Variants in SLC15A2 observed in about 807,000 individuals in gnomAD.
SLC15A2 encodes kidney H(+)/peptide cotransporter.
A neutral mutation model predicts 95.5 loss-of-function variants in SLC15A2; 77 were observed. That is an observed-to-expected ratio of 0.81 (90% confidence interval 0.67 to 0.97). SLC15A2 has a LOEUF of 0.97. Ranked by LOEUF, SLC15A2 falls within the 50% of genes least tolerant of loss-of-function variation. The probability of loss-of-function intolerance (pLI) is 0.00; values close to 1 mark genes in which losing one functional copy is unlikely to be tolerated. For missense variants in SLC15A2, 893 were observed against 874.4 expected (o/e 1.02, Z -0.27); for synonymous variants, 306 against 306.9 (o/e 1.00, Z 0.03).
intron 2 of SLC15A2, 88 bp downstream of exon 2, chr3:121,896,581 A>G: frequency 9.9e-7 from 1 of 1,014,050 alleles, no homozygotes; most frequent in Non-Finnish European, 1.6e-6. Flanking sequence ...ATATGCACTT[A>G]TTTCCCGAGT....
chr3:121,925,725 A>AGTGTATATAT (rs1559850279), intron 13 of SLC15A2, among the ~76,000 whole-genome samples: 1 of 56,318 alleles, frequency 1.8e-5, no homozygotes, highest in African/African-American at 6.9e-5. Flanking sequence ...AAGGGGCTAG[A>AGTGTATATAT]CTATATATAT....
At chr3:121,932,144 T>A (rs1390797129) in intron 19 of SLC15A2, among the ~76,000 whole-genome samples, 1 of 152,250 alleles carries the variant, frequency 6.6e-6, no homozygotes, top group East Asian at 1.9e-4. Context: ...CCTCAGATGA[T>A]CCACCAGCCT....
chr3:121,916,791 C>T (rs1203802649), intron 7 of SLC15A2, among the ~76,000 whole-genome samples: 1 of 152,072 alleles, frequency 6.6e-6, no homozygotes, highest in East Asian at 1.9e-4. Context: ...ACTCAATTCT[C>T]TGATCTTTTA....
At chr3:121,915,993 T>G (rs1243239561) in intron 7 of SLC15A2, among the ~76,000 whole-genome samples, 1 of 152,178 alleles carries the variant, frequency 6.6e-6, no homozygotes, top group Non-Finnish European at 1.5e-5. Flanking sequence ...GTCATTCTAA[T>G]GTATAGTCAA....
At chr3:121,915,996 A>G (rs963594481) in intron 7 of SLC15A2, among the ~76,000 whole-genome samples, 1 of 151,886 alleles carries the variant, frequency 6.6e-6, no homozygotes, top group African/African-American at 2.4e-5. Flanking sequence ...ATTCTAATGT[A>G]TAGTCAAGGT....
intron 13 of SLC15A2, 52 bp downstream of exon 13, chr3:121,925,085 C>A: frequency 7.9e-7 from 1 of 1,270,428 alleles, no homozygotes; most frequent in Non-Finnish European, 1.1e-6. Flanking sequence ...TCAGTCTTTG[C>A]CCAGTTTGAA....
intron 19 of SLC15A2, among the ~76,000 whole-genome samples, chr3:121,937,621 C>T (rs933209525): frequency 3.2e-4 from 49 of 152,070 alleles, no homozygotes; most frequent in African/African-American, 8.9e-4. Context: ...TCCATCAGCT[C>T]CTTTAAGCAC....
rs1143668 is a variant in SLC15A2 at position 121,939,413 on chromosome 3, C to T, written c.1826C>T (p.Ala609Val). The T allele has an allele frequency of 3.1e-4, 492 of 1,579,742 alleles. No homozygotes were observed. The African/African-American group carries it at 4.9e-3, about 16-fold the overall frequency. Reference protein sequence around the residue: ...EDIPANKMSIAWQLPQYALVT... With the variant: ...EDIPANKMSIVWQLPQYALVT... ...ATTCCAGCCAACAAAATGTCCATTG[C>T]GTGGCAGCTACCACAATATGCCCTG... is the stretch of plus-strand genomic sequence containing the variant. The change falls in exon 20 of 22, where the codon GCG (alanine) becomes GTG (valine). Residue 609 changes from alanine to valine, a missense_variant. By Grantham distance (64) the Ala-to-Val change is moderately conservative (BLOSUM62 0). Transcript: ENST00000489711.
rs991713715 is a variant in SLC15A2, at chr3:121,934,701, G to A, written c.1761+2966G>A. On this transcript the variant is annotated intron_variant, in intron 19 of 21. Transcript: ENST00000489711. ...GGTTTTCTAGATATACAATCATGTC[G>A]TCTGCAAATAGGGACAATTTGACTT... 2.1e-3 allele frequency among the ~76,000 whole-genome samples: 316 copies of A among 152,230 alleles called. 3 individuals carry two copies. The East Asian group carries it at 0.038, about 19-fold the overall frequency.
intron 3 of SLC15A2, among the ~76,000 whole-genome samples, chr3:121,907,707 A>G (rs986777700): frequency 6.6e-6 from 1 of 152,232 alleles, no homozygotes; most frequent in Admixed American, 6.5e-5. Context: ...CAAATATTGC[A>G]GAACAGCAAA....
At position 121,894,599 on chromosome 3, in the gene SLC15A2, A is replaced by C; in HGVS notation, c.105+18A>C. The C allele has an allele frequency of 1.9e-6, 3 of 1,592,546 alleles. No homozygotes were observed. Among genetic ancestry groups the C allele is most frequent in the Non-Finnish European group, 2.6e-6 (3 of 1,161,432 alleles). ...CATCTCCGGTGAGTCCTTAGATTCA[A>C]TCCTGCCTCTGAGAGGAATGGCCTC... On this transcript the variant is annotated intron_variant, in intron 1 of 21. Coordinates refer to ENST00000489711, the MANE Select transcript of SLC15A2 (RefSeq NM_021082.4).
chr3:121,939,580 A>G (rs980226909), intron 20 of SLC15A2, 85 bp downstream of exon 20: 76 of 1,223,156 alleles, frequency 6.2e-5, no homozygotes, highest in Non-Finnish European at 8.0e-5. Context: ...TTAAATAGGT[A>G]TGTTATCTCT....
chr3:121,922,974 A>G (rs2293615), intron 9 of SLC15A2, 66 bp from the exon 10 acceptor site: 710,995 of 1,569,326 alleles, frequency 0.45, 165,934 homozygotes, highest in East Asian at 0.72. Flanking sequence ...GGACACTTCT[A>G]CTTTAAGCAA....
chr3:121,940,265 G>A (rs912444720), intron 20 of SLC15A2, 119 bp from the exon 21 acceptor site: 2 of 673,760 alleles, frequency 3.0e-6, no homozygotes, highest in Non-Finnish European at 5.4e-6. Flanking sequence ...CAATGTGATA[G>A]CTGAACTTAA....
At chr3:121,915,784 C>A (rs1036011864) in intron 7 of SLC15A2, 91 bp downstream of exon 7, 7 of 880,096 alleles carry the variant, frequency 8.0e-6, no homozygotes, top group Admixed American at 3.5e-5. Flanking sequence ...CTGTTTCATT[C>A]AATCCTCACA....
intron 1 of SLC15A2, among the ~76,000 whole-genome samples, chr3:121,896,205 G>C (rs777765159): frequency 3.3e-5 from 5 of 152,186 alleles, no homozygotes; most frequent in Non-Finnish European, 7.4e-5. Flanking sequence ...ATAATATTCA[G>C]AGTAGCTTCT....
At chr3:121,927,164 G>T (rs1171095221) in intron 13 of SLC15A2, among the ~76,000 whole-genome samples, 2 of 152,228 alleles carry the variant, frequency 1.3e-5, no homozygotes, top group Non-Finnish European at 2.9e-5. Flanking sequence ...GTGCTGGAAT[G>T]AGTTAAAATT....
chr3:121,916,928 C>T (rs992777267), intron 7 of SLC15A2, among the ~76,000 whole-genome samples: 17 of 152,208 alleles, frequency 1.1e-4, no homozygotes, highest in Admixed American at 1.1e-3. Context: ...TCACGCCATT[C>T]TCCTGCCTCA....
intron 7 of SLC15A2, among the ~76,000 whole-genome samples, chr3:121,919,444 G>A (rs925975096): frequency 3.3e-5 from 5 of 152,314 alleles, no homozygotes; most frequent in Admixed American, 1.3e-4. Flanking sequence ...GTAGGTAGCC[G>A]TCTGTGAGGC....
Sources: allele counts gnomAD v4.1 joint callset (sites outside exome capture counted in the v4.1 genomes callset), GRCh38; gene constraint gnomAD v4.1.1; transcripts MANE v1.5; gene names NCBI Gene and HGNC (gene_info 2026-07-23, HGNC 2026-07-21).